KMT2C: variants seen among roughly 807,000 people sequenced by gnomAD.
The protein encoded by KMT2C is histone-lysine N-methyltransferase 2C.
A neutral mutation model predicts 507.9 loss-of-function variants in KMT2C; 88 were observed. That is an observed-to-expected ratio of 0.17 (90% CI 0.15 to 0.21). The LOEUF is 0.21. Ranked by LOEUF, KMT2C falls within the 10% of genes least tolerant of loss-of-function variation. The pLI, the probability that KMT2C is intolerant of heterozygous loss-of-function variation, is 1.00. For synonymous variants in KMT2C, 2,049 were observed against 2,080.8 expected (o/e 0.98, Z 0.42); for missense variants, 4,954 against 5,957.8 (o/e 0.83, Z 5.55).
chr7:152,256,032 G>C (rs1323203685), intron 9 of KMT2C, among the ~76,000 whole-genome samples: 6 of 152,152 alleles, frequency 3.9e-5, no homozygotes, highest in African/African-American at 1.4e-4. Flanking sequence ...AGCTGGGCGT[G>C]GTGGCGCATG....
intron 9 of KMT2C, among the ~76,000 whole-genome samples, chr7:152,255,059 C>T (rs1439652522): frequency 7.0e-6 from 1 of 142,818 alleles, no homozygotes; most frequent in African/African-American, 2.6e-5. Context: ...AAAGACATCC[C>T]TTGTTCTTGG....
chr7:152,196,166 A>G (rs1304883039), intron 27 of KMT2C, among the ~76,000 whole-genome samples, 155 bp from the exon 28 acceptor site: 1 of 152,246 alleles, frequency 6.6e-6, no homozygotes, highest in Non-Finnish European at 1.5e-5. Context: ...TCCATAGCAA[A>G]GGAGATAATG....
chr7:152,398,255 C>A (rs2097549145), intron 1 of KMT2C, among the ~76,000 whole-genome samples: 1 of 152,174 alleles, frequency 6.6e-6, no homozygotes, highest in African/African-American at 2.4e-5. Context: ...ACCACTGAAT[C>A]CTTACACCTA....
intron 2 of KMT2C, among the ~76,000 whole-genome samples, chr7:152,354,378 C>T (rs2097136666): frequency 6.6e-6 from 1 of 152,116 alleles, no homozygotes; most frequent in Non-Finnish European, 1.5e-5. Context: ...TTAGTGAATC[C>T]AATTCCTCCT....
chr7:152,400,544 A>G (rs2116604267), intron 1 of KMT2C, among the ~76,000 whole-genome samples: 1 of 152,324 alleles, frequency 6.6e-6, no homozygotes, highest in Non-Finnish European at 1.5e-5. Flanking sequence ...CACCAACAAC[A>G]ATGGACATAG....
intron 9 of KMT2C, among the ~76,000 whole-genome samples, chr7:152,258,906 A>C (rs1198760461): frequency 1.3e-5 from 2 of 152,114 alleles, no homozygotes; most frequent in African/African-American, 4.8e-5. Flanking sequence ...GTCCTTACAT[A>C]CTGCTTTATT....
chr7:152,148,728 C>T lies in KMT2C; in HGVS notation c.13199G>A (p.Arg4400Gln), dbSNP rs2091365177. The part of the protein sequence containing the change: ...LKPDPVPKDY[R>Q]KCCFCHEEGD... Reference sequence around the variant, plus strand: ...TTCTTCATGACAAAAGCAACATTTCCGATAGTCTTTGGGCACAGGATCAGG... The same window carrying T: ...TTCTTCATGACAAAAGCAACATTTCTGATAGTCTTTGGGCACAGGATCAGG... Residue 4400 changes from arginine (R) to glutamine (Q), a missense_variant, in exon 52 of 59, where the codon CGG becomes CAG. Transcript: ENST00000262189. The surrounding 1 kb of genome is among the most constrained non-coding windows in gnomAD (Gnocchi z 7.1). 1 of 1,614,054 alleles carries T rather than the reference C, an allele frequency of 6.2e-7. No individual in the cohort carries two copies.
At chr7:152,314,500 G>A (rs191502954) in intron 4 of KMT2C, among the ~76,000 whole-genome samples, 148 of 147,446 alleles carry the variant, frequency 1.0e-3, no homozygotes, top group Middle Eastern at 3.5e-3. Flanking sequence ...CAATGTGCCC[G>A]TGAATACAGA....
chr7:152,273,582 TTTAAAGATTA>T, intron 7 of KMT2C, 113 bp downstream of exon 7: 1 of 1,019,538 alleles, frequency 9.8e-7, no homozygotes, highest in South Asian at 3.3e-5. Context: ...TCCCTCAGAT[TTTAAAGATTA>T]TGTATTATTA....
At chr7:152,419,483 T>C (rs1405541255) in intron 1 of KMT2C, among the ~76,000 whole-genome samples, 1 of 151,834 alleles carries the variant, frequency 6.6e-6, no homozygotes, top group African/African-American at 2.4e-5. Flanking sequence ...TACAAACAAA[T>C]TAAAGGAGAT....
chr7:152,375,820 TA>T, intron 1 of KMT2C, among the ~76,000 whole-genome samples: 1 of 152,088 alleles, frequency 6.6e-6, no homozygotes, highest in South Asian at 2.1e-4. Flanking sequence ...CGATCAGTGA[TA>T]TATATATATT....
intron 1 of KMT2C, among the ~76,000 whole-genome samples, chr7:152,425,050 A>G (rs2116755676): frequency 6.6e-6 from 1 of 152,312 alleles, no homozygotes; most frequent in Admixed American, 6.5e-5. Context: ...TGACTATACA[A>G]TAGCATGAAT....
chr7:152,186,558 CAG>C lies in KMT2C; in HGVS notation c.5008+702_5008+703del, dbSNP rs1270189157. Among the ~76,000 whole-genome samples the C allele has an allele frequency of 4.6e-5, 7 of 152,302 alleles. No homozygotes were observed. The East Asian group carries it at 1.3e-3, about 29-fold the overall frequency. On this transcript the variant is annotated intron_variant, in intron 33 of 58. Transcript: ENST00000262189. The stretch of plus-strand genomic sequence containing the variant: ...GCCAATCCAAAAAGGTACCTAAATA[CAG>C]GGGTCATCCAAATGAAAAGTCACTT...
intron 27 of KMT2C, among the ~76,000 whole-genome samples, chr7:152,198,989 A>G (rs10487891): frequency 0.042 from 6,350 of 152,212 alleles, 454 homozygotes; most frequent in African/African-American, 0.14. Flanking sequence ...TCAAAAAGTC[A>G]CTGTTGGCCA....
chr7:152,372,646 G>A (rs2097301023), intron 1 of KMT2C, among the ~76,000 whole-genome samples: 1 of 152,272 alleles, frequency 6.6e-6, no homozygotes, highest in East Asian at 1.9e-4. Context: ...GAGATCAGAG[G>A]TCAATTCATC....
intron 6 of KMT2C, among the ~76,000 whole-genome samples, chr7:152,309,364 T>G (rs1477090893): frequency 6.7e-6 from 1 of 149,232 alleles, no homozygotes; most frequent in East Asian, 1.9e-4. Context: ...ACGCCCAGGC[T>G]GGAGTATGGA....
intron 6 of KMT2C, among the ~76,000 whole-genome samples, chr7:152,288,048 A>C (rs1409971576): frequency 6.7e-6 from 1 of 149,628 alleles, no homozygotes; most frequent in Admixed American, 6.7e-5. Flanking sequence ...AAAAAAAAGC[A>C]ATTACAAACA....
Position 152,162,266 on chromosome 7 carries a change from C to T in KMT2C, c.11311G>A (p.Asp3771Asn). ...HSAGAPAAKG[D>N]SGNELLKHLL... ...TGTTTCAGAAGTTCATTCCCTGAGT[C>T]TCCTTTGGCAGCAGGGGCCCCAGCA... The change falls in exon 43 of 59, where the codon GAC becomes AAC. Residue 3771 changes from aspartate to asparagine, a missense_variant. Asp to Asn is a conservative substitution (Grantham distance 23, BLOSUM62 1). This residue lies in a region of KMT2C where 801 missense variants were observed against 751.2 expected (regional missense o/e 1.07). Coordinates refer to ENST00000262189, the MANE Select transcript of KMT2C (RefSeq NM_170606.3). The T allele has an allele frequency of 6.2e-7, 1 of 1,614,174 alleles. No individual in the cohort carries two copies. The highest frequency in any genetic ancestry group is 1.3e-5 in the African/African-American group (1 of 75,052).
chr7:152,313,402 A>G (rs2096691750), intron 4 of KMT2C, among the ~76,000 whole-genome samples: 1 of 152,134 alleles, frequency 6.6e-6, no homozygotes, highest in Non-Finnish European at 1.5e-5. Context: ...TTCAACCTTC[A>G]AGTTTTGAGA....
Sources: allele counts gnomAD v4.1 joint callset (sites outside exome capture counted in the v4.1 genomes callset), GRCh38; gene constraint gnomAD v4.1.1; regional missense constraint gnomAD v4.1.1; non-coding constraint Gnocchi (gnomAD v3.1); transcripts MANE v1.5; gene names NCBI Gene and HGNC (gene_info 2026-07-23, HGNC 2026-07-21).